The following CCDC102B variants were observed in gnomAD, a reference collection of about 807,000 sequenced individuals.
CCDC102B encodes coiled-coil domain containing 102B.
A neutral mutation model predicts 57.4 loss-of-function variants in CCDC102B; 75 were observed. The observed-to-expected ratio is 1.31, with a 90% confidence interval of 1.08 to 1.58. CCDC102B has a LOEUF of 1.58. CCDC102B is among the 40% of genes most tolerant of loss of function. CCDC102B has a pLI of 0.00. For synonymous variants in CCDC102B, 206 were observed against 201.9 expected, an observed-to-expected ratio of 1.02 and a Z score of -0.17; for missense variants, 636 against 582.6, an observed-to-expected ratio of 1.09 and a Z score of -0.94.
chr18:68,865,904 A>G (rs1229000587), intron 4 of CCDC102B, among the ~76,000 whole-genome samples: 1 of 152,176 alleles, frequency 6.6e-6, no homozygotes, highest in Admixed American at 6.5e-5. Context: ...ATTTAGAAGG[A>G]TATTTAATAA....
chr18:68,969,616 C>T (rs925098143), intron 6 of CCDC102B, among the ~76,000 whole-genome samples: 1 of 151,574 alleles, frequency 6.6e-6, no homozygotes. Flanking sequence ...TTATAATTAT[C>T]ATAATATACA....
intron 6 of CCDC102B, among the ~76,000 whole-genome samples, chr18:68,963,059 A>T (rs1265748635): frequency 6.6e-6 from 1 of 152,002 alleles, no homozygotes; most frequent in Non-Finnish European, 1.5e-5. Context: ...GAAAGAAAAC[A>T]TTCCTTAGTA....
Position 69,054,515 on chromosome 18 carries a change from A to G in CCDC102B, c.*378A>G, listed in dbSNP as rs982207253. ...TAAGAAAACCATTGACTTTAAGTAT[A>G]AAGTACTGGTTTGTTTAAATAATTG... On this transcript the variant is annotated 3_prime_UTR_variant, in exon 8 of 8. Coordinates refer to ENST00000360242, the MANE Select transcript of CCDC102B (RefSeq NM_024781.3). The G allele has an allele frequency of 2.0e-6, 2 of 999,834 alleles. No individual in the cohort carries two copies. The highest frequency in any genetic ancestry group is 5.0e-4 in the Middle Eastern group (1 of 1,986). 61.9% of individuals were successfully genotyped at this position (999,834 alleles called of 1,614,324 possible). A position where few individuals can be genotyped will look rare whatever the true frequency, so the allele number is the denominator to read the frequency against.
chr18:68,839,077 C>T, intron 3 of CCDC102B, 151 bp downstream of exon 3: 2 of 677,894 alleles, frequency 3.0e-6, no homozygotes, highest in Non-Finnish European at 5.0e-6. Context: ...GATATATATT[C>T]ATATGTTGAA....
intron 6 of CCDC102B, among the ~76,000 whole-genome samples, chr18:68,967,474 G>C (rs1372884974): frequency 1.3e-5 from 2 of 152,074 alleles, no homozygotes; most frequent in Non-Finnish European, 1.5e-5. Context: ...AATTATAAAT[G>C]AATAAGATTA....
rs186162635 is a variant in CCDC102B at position 68,880,310 on chromosome 18, T to C, written c.1053+5525T>C. ...CCGAGTGCGGGGCCCACCAAGCCCA[T>C]GCCCACCCGGAACTCCAGCTGGCCC... On this transcript the variant is annotated intron_variant, in intron 5 of 7. Coordinates refer to ENST00000360242, the MANE Select transcript of CCDC102B (RefSeq NM_024781.3). 8.5e-3 allele frequency among the ~76,000 whole-genome samples: 1,291 copies of C among 152,260 alleles called. 17 individuals are homozygous for C. The highest frequency in any genetic ancestry group is 0.03 in the African/African-American group (1,240 of 41,550).
At chr18:69,012,074 G>A (rs753961877) in intron 7 of CCDC102B, among the ~76,000 whole-genome samples, 63 of 152,092 alleles carry the variant, frequency 4.1e-4, no homozygotes, top group Admixed American at 9.2e-4. Flanking sequence ...CTTGGCAGGC[G>A]TTTCATCCTT....
chr18:68,889,179 G>A (rs1301548576), intron 5 of CCDC102B, among the ~76,000 whole-genome samples: 1 of 152,102 alleles, frequency 6.6e-6, no homozygotes, highest in Non-Finnish European at 1.5e-5. Context: ...ATCCTAGGGT[G>A]ATAGTTTTAG....
intron 6 of CCDC102B, among the ~76,000 whole-genome samples, chr18:68,922,911 T>C (rs373781837): frequency 7.9e-5 from 12 of 152,242 alleles, no homozygotes; most frequent in African/African-American, 2.9e-4. Flanking sequence ...ATTATTGATA[T>C]TTTACAAACA....
chr18:69,052,724 A>C (rs2052739402), intron 7 of CCDC102B, among the ~76,000 whole-genome samples: 2 of 151,828 alleles, frequency 1.3e-5, no homozygotes, highest in Non-Finnish European at 2.9e-5. Flanking sequence ...ATATCTACCC[A>C]GTTGGCCCTC....
chr18:68,792,979 T>C (rs895747727), intron 2 of CCDC102B, among the ~76,000 whole-genome samples: 11 of 152,198 alleles, frequency 7.2e-5, no homozygotes, highest in Non-Finnish European at 1.6e-4. Flanking sequence ...TCTAGATTGA[T>C]GCAATAAGAT....
At chr18:68,880,129 G>A (rs538223583) in intron 5 of CCDC102B, among the ~76,000 whole-genome samples, 5 of 152,314 alleles carry the variant, frequency 3.3e-5, no homozygotes, top group African/African-American at 4.8e-5. Flanking sequence ...TGCAGGTCCC[G>A]AGCCCTGCCC....
At chr18:68,773,798 C>T (rs1410814586) in intron 2 of CCDC102B, among the ~76,000 whole-genome samples, 1 of 151,668 alleles carries the variant, frequency 6.6e-6, no homozygotes, top group African/African-American at 2.4e-5. Context: ...ATTTGGGTGG[C>T]AAAACACCCA....
At chr18:68,749,074 T>A (rs2033742670) in intron 2 of CCDC102B, among the ~76,000 whole-genome samples, 1 of 152,180 alleles carries the variant, frequency 6.6e-6, no homozygotes, top group Non-Finnish European at 1.5e-5. Context: ...TTGTCAAAGA[T>A]CACATGGTTG....
At chr18:68,918,934 T>G (rs2041172269) in intron 6 of CCDC102B, among the ~76,000 whole-genome samples, 1 of 152,092 alleles carries the variant, frequency 6.6e-6, no homozygotes, top group Non-Finnish European at 1.5e-5. Flanking sequence ...GCAAGTTGCA[T>G]TTAGTTTTTA....
At chr18:68,785,942 T>C (rs1293085884) in intron 2 of CCDC102B, among the ~76,000 whole-genome samples, 3 of 151,934 alleles carry the variant, frequency 2.0e-5, no homozygotes, top group Non-Finnish European at 4.4e-5. Flanking sequence ...GGTTTTCTTC[T>C]AGGGTTTTTA....
chr18:68,848,612 A>G (rs1299105741), intron 4 of CCDC102B, among the ~76,000 whole-genome samples: 2 of 152,070 alleles, frequency 1.3e-5, no homozygotes, highest in Non-Finnish European at 2.9e-5. Context: ...AAGACAATGC[A>G]TAGTAGAGGT....
chr18:68,791,553 T>A (rs560664082), intron 2 of CCDC102B, among the ~76,000 whole-genome samples: 3 of 152,224 alleles, frequency 2.0e-5, no homozygotes, highest in African/African-American at 7.2e-5. Context: ...TTATTCCTTA[T>A]GTCTTTGATA....
intron 1 of CCDC102B, among the ~76,000 whole-genome samples, chr18:68,815,991 C>T (rs1238655983): frequency 1.3e-5 from 2 of 152,124 alleles, no homozygotes; most frequent in African/African-American, 4.8e-5. Context: ...TCTCATTCTT[C>T]GTTTTATCTT....
Sources: allele counts gnomAD v4.1 joint callset (sites outside exome capture counted in the v4.1 genomes callset), GRCh38; gene constraint gnomAD v4.1.1; transcripts MANE v1.5; gene names NCBI Gene and HGNC (gene_info 2026-07-23, HGNC 2026-07-21).